NR2C1: variants seen among roughly 807,000 people sequenced by gnomAD.
NR2C1 encodes nuclear receptor subfamily 2 group C member 1.
In NR2C1, 33 loss-of-function variants were observed where a neutral mutation model predicts 74.8. The ratio of observed to expected loss-of-function variants is 0.44; its 90% CI spans 0.33 to 0.59. NR2C1 has a LOEUF of 0.59. Among genes scored for constraint, NR2C1 ranks in the 20% least tolerant of loss-of-function variants. The pLI, the probability that NR2C1 is intolerant of heterozygous loss-of-function variation, is 0.02. For synonymous variants in NR2C1, 225 were observed against 240.6 expected, an observed-to-expected ratio of 0.94 and a Z score of 0.60; for missense variants, 568 against 715.6, an observed-to-expected ratio of 0.79 and a Z score of 2.35.
chr12:95,073,174 C>A (rs1187277354), intron 1 of NR2C1, among the ~76,000 whole-genome samples: 1 of 152,232 alleles, frequency 6.6e-6, no homozygotes, highest in Non-Finnish European at 1.5e-5. Context: ...TCTCCCGGGG[C>A]CCCGCGCATT....
chr12:95,022,462 T>C (rs985409036), intron 13 of NR2C1, 59 bp from the exon 14 acceptor site: 14 of 1,320,130 alleles, frequency 1.1e-5, no homozygotes, highest in African/African-American at 1.5e-5. Context: ...AGAAATTTAG[T>C]AGAAAAATAT....
chr12:95,063,671 T>G (rs1875137066), intron 2 of NR2C1, among the ~76,000 whole-genome samples: 1 of 131,316 alleles, frequency 7.6e-6, no homozygotes. Flanking sequence ...TGAGACCCTG[T>G]CTCAAAAAAA....
In NR2C1 at chr12:95,025,156, G is replaced by A. The variant is rs779262840; in HGVS notation, c.1631C>T (p.Thr544Ile). The stretch of plus-strand genomic sequence containing the variant: ...AGAATTTAACTCTAGATACCTGTAG[G>A]TGTCATCTGGATATGTTTTGGTTAT... ...DYITKTYPDD[T>I]YRLSRLLLRL... is the part of the protein sequence containing the mutation. The change falls in exon 13 of 14, where the codon ACC becomes ATC. Residue 544 changes from threonine (T) to isoleucine (I), a missense_variant. Around this residue, in one of 6 missense-constraint regions of NR2C1, gnomAD observed 117 missense variants for 186.7 expected, o/e 0.63. Coordinates refer to ENST00000333003, the MANE Select transcript of NR2C1 (RefSeq NM_003297.4). The A allele has an allele frequency of 2.7e-6, 4 of 1,464,442 alleles. No homozygotes were observed. In the South Asian group the frequency reaches 4.8e-5, roughly 17 times the overall value. The allele number at this position is 1,464,442 out of a possible 1,614,324, so 90.7% of individuals were successfully genotyped here. A position where few individuals can be genotyped will look rare whatever the true frequency, so the allele number is the denominator to read the frequency against.
chr12:95,067,438 C>CTTA (rs949650566), intron 1 of NR2C1, 47 bp from the exon 2 acceptor site: 2 of 1,276,770 alleles, frequency 1.6e-6, no homozygotes, highest in Non-Finnish European at 2.3e-6. Context: ...ACAAAACACT[C>CTTA]TTATTAAATA....
intron 13 of NR2C1, among the ~76,000 whole-genome samples, 166 bp from the exon 14 acceptor site, chr12:95,022,569 T>C (rs1233009675): frequency 6.6e-6 from 1 of 152,198 alleles, no homozygotes; most frequent in African/African-American, 2.4e-5. Flanking sequence ...CATATGGCAA[T>C]TACCTGGCTA....
intron 4 of NR2C1, among the ~76,000 whole-genome samples, chr12:95,058,829 A>G (rs1296717062): frequency 6.6e-6 from 1 of 151,654 alleles, no homozygotes; most frequent in African/African-American, 2.4e-5. Flanking sequence ...CAGTCTTGCC[A>G]TTTTGCCCAG....
At chr12:95,042,167 G>C (rs1428323915) in intron 9 of NR2C1, among the ~76,000 whole-genome samples, 1 of 150,390 alleles carries the variant, frequency 6.6e-6, no homozygotes, top group Non-Finnish European at 1.5e-5. Context: ...GTGTCCATAT[G>C]TATTTTTCTG....
intron 7 of NR2C1, among the ~76,000 whole-genome samples, chr12:95,054,519 G>T (rs545683150): frequency 6.6e-6 from 1 of 152,034 alleles, no homozygotes; most frequent in South Asian, 2.1e-4. Flanking sequence ...TCCCAGGTTG[G>T]TCTCAAATTC....
intron 10 of NR2C1, among the ~76,000 whole-genome samples, chr12:95,036,230 G>C (rs1360878100): frequency 7.0e-6 from 1 of 143,586 alleles, no homozygotes; most frequent in East Asian, 2.2e-4. Context: ...TGTAGTTAAG[G>C]TTATCACTAA....
At chr12:95,056,676 C>T (rs1199064602) in intron 7 of NR2C1, among the ~76,000 whole-genome samples, 1 of 152,138 alleles carries the variant, frequency 6.6e-6, no homozygotes, top group Non-Finnish European at 1.5e-5. Flanking sequence ...AAGAATTGTA[C>T]GGCTGGGCGT....
Position 95,022,157 on chromosome 12 carries a change from G to A in NR2C1, c.*72C>T. Reference sequence around the variant, plus strand: ...GTAAAAATTTCCAGATGCCTCAAAAGCAGTGAGTTCAATTTGGTGTCTTGT... The same window carrying A: ...GTAAAAATTTCCAGATGCCTCAAAAACAGTGAGTTCAATTTGGTGTCTTGT... On this transcript the variant is annotated 3_prime_UTR_variant, in exon 14 of 14. Coordinates refer to ENST00000333003, the MANE Select transcript of NR2C1 (RefSeq NM_003297.4). 1.6e-6 allele frequency: 2 copies of A among 1,231,828 alleles called. No homozygotes were observed. The highest frequency in any genetic ancestry group is 2.2e-6 in the Non-Finnish European group (2 of 914,058). The allele number at this position is 1,231,828 out of a possible 1,614,324, so 76.3% of individuals were successfully genotyped here. A position where few individuals can be genotyped will look rare whatever the true frequency, so the allele number is the denominator to read the frequency against.
In NR2C1 at chr12:95,049,110, T is replaced by A; in HGVS notation, c.1089A>T (p.Glu363Asp). Residue 363 changes from glutamate to aspartate, a missense_variant, in exon 9 of 14, where the codon GAA becomes GAT. By Grantham distance (45) the Glu-to-Asp change is conservative. Around this residue, in one of 6 missense-constraint regions of NR2C1, gnomAD observed 239 missense variants for 232.3 expected, o/e 1.03. Coordinates refer to ENST00000333003, the MANE Select transcript of NR2C1 (RefSeq NM_003297.4). Reference protein sequence around the residue: ...ITGDSSINYTEKEGPLLSDSH... With the variant: ...ITGDSSINYTDKEGPLLSDSH... ...AATCGCTGAGAAGTGGCCCCTCTTTTTCGGTGTAATTTATGCTTGAATCTC... is the reference window on the plus strand; with the variant it reads ...AATCGCTGAGAAGTGGCCCCTCTTTATCGGTGTAATTTATGCTTGAATCTC... 3 of 1,614,108 alleles carry A rather than the reference T, an allele frequency of 1.9e-6. No individual in the cohort carries two copies. Among genetic ancestry groups the A allele is most frequent in the Non-Finnish European group, 2.5e-6 (3 of 1,179,982 alleles).
intron 1 of NR2C1, among the ~76,000 whole-genome samples, chr12:95,069,391 C>T (rs1172197026): frequency 6.6e-6 from 1 of 152,200 alleles, no homozygotes; most frequent in Non-Finnish European, 1.5e-5. Flanking sequence ...ACACCCATAA[C>T]ACTGTATTTT....
intron 9 of NR2C1, among the ~76,000 whole-genome samples, chr12:95,044,782 T>C (rs1473693603): frequency 6.6e-6 from 1 of 152,100 alleles, no homozygotes; most frequent in Non-Finnish European, 1.5e-5. Flanking sequence ...CTCAGGAGGC[T>C]GAGGTGGGAG....
At chr12:95,030,426 G>T (rs931306701) in intron 11 of NR2C1, 2 of 1,319,460 alleles carry the variant, frequency 1.5e-6, no homozygotes, top group Admixed American at 3.5e-5. Flanking sequence ...TTACAATAAA[G>T]ATTTTAATTT....
chr12:95,057,469 G>A, intron 7 of NR2C1, 84 bp downstream of exon 7: 6 of 949,802 alleles, frequency 6.3e-6, no homozygotes, highest in Non-Finnish European at 7.7e-6. Flanking sequence ...TAAGAACAAA[G>A]CAATTTACCA....
At chr12:95,052,041 C>A in intron 7 of NR2C1, 98 bp from the exon 8 acceptor site, 1 of 740,840 alleles carries the variant, frequency 1.3e-6, no homozygotes, top group South Asian at 2.7e-5. Flanking sequence ...AACAAAAGAA[C>A]AGTATGATAA....
At chr12:95,050,117 T>C (rs974309184) in intron 8 of NR2C1, among the ~76,000 whole-genome samples, 47 of 152,152 alleles carry the variant, frequency 3.1e-4, no homozygotes, top group African/African-American at 1.1e-3. Context: ...TATTTTAAAA[T>C]GTGTGGTCAC....
At chr12:95,052,990 CT>C (rs530102672) in intron 7 of NR2C1, among the ~76,000 whole-genome samples, 4,743 of 147,032 alleles carry the variant, frequency 0.032, 131 homozygotes, top group Middle Eastern at 0.099. Flanking sequence ...ATCTATTTGT[CT>C]TTTTTTTTTT....
Sources: gnomAD v4.1 joint callset for allele counts (sites outside exome capture counted in the v4.1 genomes callset) on GRCh38, gnomAD v4.1.1 for gene constraint, gnomAD v4.1.1 regional missense constraint, MANE v1.5 for transcripts, NCBI Gene and HGNC (gene_info 2026-07-23, HGNC 2026-07-21) for gene names.